Variants in PATJ observed in about 807,000 individuals in gnomAD.
The protein encoded by PATJ is inaD-like protein.
A neutral mutation model predicts 224.9 loss-of-function variants in PATJ; 190 were observed. The ratio of observed to expected loss-of-function variants is 0.84; its 90% CI spans 0.75 to 0.95. PATJ has a LOEUF of 0.95. PATJ is among the 40% of genes least tolerant of loss of function. The pLI is 0.00. For synonymous variants in PATJ, 769 were observed against 820.3 expected (o/e 0.94, Z 1.07); for missense variants, 2,121 against 2,270.3 (o/e 0.93, Z 1.34).
intron 33 of PATJ, among the ~76,000 whole-genome samples, chr1:62,106,615 T>C (rs950126574): frequency 1.3e-5 from 2 of 152,122 alleles, no homozygotes; most frequent in African/African-American, 4.8e-5. Context: ...ATTCTGAGGC[T>C]CCATACTTCT....
intron 8 of PATJ, among the ~76,000 whole-genome samples, chr1:61,789,581 G>A (rs1649338125): frequency 6.6e-6 from 1 of 151,922 alleles, no homozygotes; most frequent in Admixed American, 6.6e-5. Context: ...GGGAGGATGA[G>A]GTGGGTGGAT....
intron 27 of PATJ, among the ~76,000 whole-genome samples, chr1:61,989,735 A>G (rs137936526): frequency 6.6e-5 from 10 of 152,294 alleles, no homozygotes; most frequent in African/African-American, 2.4e-4. Context: ...AAAAGAGTCC[A>G]CAGAAAGTCT....
intron 29 of PATJ, among the ~76,000 whole-genome samples, chr1:62,026,740 C>G (rs1244779103): frequency 6.6e-6 from 1 of 152,146 alleles, no homozygotes; most frequent in Non-Finnish European, 1.5e-5. Context: ...AAGTGACATT[C>G]TAAATAATTC....
intron 27 of PATJ, among the ~76,000 whole-genome samples, chr1:61,973,183 ACT>A (rs1683210035): frequency 6.6e-6 from 1 of 151,730 alleles, no homozygotes; most frequent in Non-Finnish European, 1.5e-5. Context: ...TGGGCCAGAA[ACT>A]CTGCCTACAC....
At position 62,117,225 on chromosome 1, in the gene PATJ, G is replaced by A. The variant is rs77835195; in HGVS notation, c.4890+7G>A. 1,805 of 1,613,900 alleles carry A rather than the reference G, an allele frequency of 1.1e-3. 23 individuals are homozygous for A. In the African/African-American group the frequency reaches 0.021, roughly 19 times the overall value. On this transcript the variant is annotated splice_region_variant and intron_variant, in intron 37 of 43. Coordinates refer to ENST00000642238, the MANE Select transcript of PATJ (RefSeq NM_001350145.3). Reference sequence around the variant, plus strand: ...GACATCACAGAACAGTCAGGTTGTCGATGGCTTCTCATCAGACTGACTCAC... The same window carrying A: ...GACATCACAGAACAGTCAGGTTGTCAATGGCTTCTCATCAGACTGACTCAC...
intron 12 of PATJ, among the ~76,000 whole-genome samples, 163 bp downstream of exon 12, chr1:61,801,932 TTTTC>T (rs1422740416): frequency 1.3e-5 from 2 of 150,846 alleles, no homozygotes; most frequent in Non-Finnish European, 2.9e-5. Flanking sequence ...TTTCTTTTTT[TTTTC>T]TTTTTTTTTT....
intron 27 of PATJ, among the ~76,000 whole-genome samples, chr1:61,964,422 T>C (rs564697343): frequency 6.6e-6 from 1 of 152,270 alleles, no homozygotes; most frequent in Admixed American, 6.5e-5. Context: ...CGACTATTCT[T>C]AAAATAGCCA....
chr1:61,849,140 A>G (rs1286146556), intron 17 of PATJ, among the ~76,000 whole-genome samples: 1 of 152,218 alleles, frequency 6.6e-6, no homozygotes, highest in Non-Finnish European at 1.5e-5. Flanking sequence ...TTTCACTTGT[A>G]GAGTACTTTC....
rs115586041 is a variant in PATJ at position 61,938,074 on chromosome 1, A to C, written c.3670+10245A>C. 4.6e-3 allele frequency among the ~76,000 whole-genome samples: 699 copies of C among 152,270 alleles called. 4 individuals carry two copies. The highest frequency in any genetic ancestry group is 0.031 in the Middle Eastern group (9 of 294). ...TTGGTACTGTTGCTGTCTTGAGAGA[A>C]TAATTCTTTGTTTTGGGGCAGTCCT... On this transcript the variant is annotated intron_variant, in intron 27 of 43. Coordinates refer to ENST00000642238, the MANE Select transcript of PATJ (RefSeq NM_001350145.3).
intron 43 of PATJ, among the ~76,000 whole-genome samples, chr1:62,159,918 C>G (rs1669683378): frequency 6.6e-6 from 1 of 152,096 alleles, no homozygotes. Flanking sequence ...CTGTCTGATT[C>G]CCCAGCACCT....
intron 7 of PATJ, among the ~76,000 whole-genome samples, chr1:61,777,684 CT>C (rs1646990585): frequency 8.3e-6 from 1 of 120,924 alleles, no homozygotes; most frequent in Non-Finnish European, 1.7e-5. Flanking sequence ...TATTTTCTTC[CT>C]TTTTTCTTTC....
At chr1:61,915,737 G>A (rs1348211098) in intron 26 of PATJ, among the ~76,000 whole-genome samples, 8 of 147,024 alleles carry the variant, frequency 5.4e-5, no homozygotes, top group South Asian at 2.2e-4. Flanking sequence ...TTGCTCAGTC[G>A]CCAGGCCAGA....
chr1:62,160,819 C>T, intron 43 of PATJ, 89 bp from the exon 44 acceptor site: 1 of 1,367,408 alleles, frequency 7.3e-7, no homozygotes, highest in Non-Finnish European at 1.0e-6. Context: ...TTTTAATATG[C>T]ACACCAGACA....
chr1:61,852,759 T>TTGAGCATTTTTA (rs1358941462), intron 17 of PATJ, among the ~76,000 whole-genome samples: 1 of 152,186 alleles, frequency 6.6e-6, no homozygotes, highest in Non-Finnish European at 1.5e-5. Context: ...AGGCTGGTGT[T>TTGAGCATTTTTA]TGAGCATTTT....
chr1:61,921,779 G>A (rs1050781253), intron 26 of PATJ, among the ~76,000 whole-genome samples: 3 of 152,158 alleles, frequency 2.0e-5, no homozygotes, highest in African/African-American at 7.2e-5. Context: ...TGGGAATGAG[G>A]TGTCAGGGGA....
At chr1:62,144,777 A>AATATATATATATATATATATATAT (rs1553280095) in intron 41 of PATJ, among the ~76,000 whole-genome samples, 2 of 119,098 alleles carry the variant, frequency 1.7e-5, no homozygotes, top group African/African-American at 6.8e-5. Flanking sequence ...AAAAAAAAAA[A>AATATATATATATATATATATATAT]ATATATATAT....
At position 61,932,842 on chromosome 1, in the gene PATJ, T is replaced by C. The variant is rs533822994; in HGVS notation, c.3670+5013T>C. On this transcript the variant is annotated intron_variant, in intron 27 of 43. Coordinates refer to ENST00000642238, the MANE Select transcript of PATJ (RefSeq NM_001350145.3). ...TTGAACCTGGAGGCAGAGGTTGCAG[T>C]GAGCCGAGATTGCGCCACTGCACTC... Among the ~76,000 whole-genome samples the C allele has an allele frequency of 5.3e-4, 81 of 152,228 alleles. 1 individual carries two copies. Among genetic ancestry groups the C allele is most frequent in the African/African-American group, 1.9e-3 (80 of 41,538 alleles).
At chr1:62,052,060 C>A (rs1653729244) in intron 31 of PATJ, among the ~76,000 whole-genome samples, 1 of 152,148 alleles carries the variant, frequency 6.6e-6, no homozygotes, top group South Asian at 2.1e-4. Flanking sequence ...TTTTGTAGCC[C>A]AGCACTTCCA....
At chr1:61,937,653 T>C (rs12064652) in intron 27 of PATJ, among the ~76,000 whole-genome samples, 13 of 139,714 alleles carry the variant, frequency 9.3e-5, no homozygotes, top group African/African-American at 3.7e-4. Flanking sequence ...TCTTCTTCTT[T>C]TTTTTTTTTT....
Sources: allele counts gnomAD v4.1 joint callset (sites outside exome capture counted in the v4.1 genomes callset), GRCh38; gene constraint gnomAD v4.1.1; transcripts MANE v1.5; gene names NCBI Gene and HGNC (gene_info 2026-07-23, HGNC 2026-07-21).